The following RANBP2 variants were observed in gnomAD, a reference collection of about 807,000 sequenced individuals.
The protein encoded by RANBP2 is E3 SUMO-protein ligase RanBP2.
RANBP2 carries 57 observed loss-of-function variants against 303.6 expected under a neutral mutation model. That is an observed-to-expected ratio of 0.19 (90% confidence interval 0.15 to 0.23). The LOEUF is 0.23. Ranked by LOEUF, RANBP2 falls within the 10% of genes least tolerant of loss-of-function variation. The probability of loss-of-function intolerance (pLI) is 1.00; values close to 1 mark genes in which losing one functional copy is unlikely to be tolerated. For synonymous variants in RANBP2, 1,167 were observed against 1,301.5 expected (o/e 0.90, Z 2.23); for missense variants, 3,138 against 3,780.8 (o/e 0.83, Z 4.46).
At chr2:108,820,931 C>A in the RANBP2 span, among the ~76,000 whole-genome samples, 1 of 151,852 alleles carries the variant, frequency 6.6e-6, no homozygotes, top group Non-Finnish European at 1.5e-5. Context: ...AATAAATGGA[C>A]AAATATAGTA....
the RANBP2 span, among the ~76,000 whole-genome samples, chr2:109,001,734 T>C: frequency 1.3e-5 from 2 of 152,130 alleles, no homozygotes; most frequent in Non-Finnish European, 1.5e-5. Context: ...TTTTGTTTGT[T>C]TGTTTGTTTG....
At chr2:109,358,377 TG>T in the RANBP2 span, among the ~76,000 whole-genome samples, 1 of 152,250 alleles carries the variant, frequency 6.6e-6, no homozygotes, top group African/African-American at 2.4e-5. Flanking sequence ...CAGGTTTTTG[TG>T]TGGACATAAG....
the RANBP2 span, among the ~76,000 whole-genome samples, chr2:109,513,100 C>T: frequency 1.3e-5 from 2 of 152,172 alleles, no homozygotes; most frequent in African/African-American, 4.8e-5. Flanking sequence ...TCTGAGGCAC[C>T]CCATGCCATG....
the RANBP2 span, among the ~76,000 whole-genome samples, chr2:109,507,979 G>C: frequency 6.6e-6 from 1 of 152,160 alleles, no homozygotes; most frequent in Admixed American, 6.5e-5. Context: ...AGAAACGCTG[G>C]TGTAGATGAG....
the RANBP2 span, among the ~76,000 whole-genome samples, chr2:109,659,158 C>T: frequency 1.3e-5 from 2 of 152,070 alleles, no homozygotes; most frequent in African/African-American, 4.8e-5. Context: ...GGTTGAATTA[C>T]GTGAGGTCAG....
chr2:109,536,060 G>A, the RANBP2 span, among the ~76,000 whole-genome samples: 1 of 127,824 alleles, frequency 7.8e-6, no homozygotes, highest in South Asian at 3.0e-4. Flanking sequence ...GGTGGGGGGG[G>A]GGTCTCTCAT....
chr2:109,225,408 C>T, the RANBP2 span, among the ~76,000 whole-genome samples: 1 of 152,158 alleles, frequency 6.6e-6, no homozygotes, highest in Non-Finnish European at 1.5e-5. Context: ...GAAATCTGCA[C>T]GTTAACAGGT....
the RANBP2 span, among the ~76,000 whole-genome samples, chr2:108,912,476 A>G: frequency 4.6e-5 from 7 of 152,180 alleles, no homozygotes; most frequent in African/African-American, 1.4e-4. Context: ...GTCCCAGGAC[A>G]CCCATAGAGG....
At chr2:108,821,553 A>T in the RANBP2 span, among the ~76,000 whole-genome samples, 3 of 152,366 alleles carry the variant, frequency 2.0e-5, no homozygotes, top group African/African-American at 7.2e-5. Flanking sequence ...AGTGTGTAAC[A>T]CACACAAAAA....
At chr2:108,768,423 T>G (rs772897269) in intron 20 of RANBP2, 35 bp downstream of exon 20, 40 of 1,608,432 alleles carry the variant, frequency 2.5e-5, no homozygotes, top group Admixed American at 5.0e-5. Flanking sequence ...AGCACAATTT[T>G]TCTTTCTTTT....
At chr2:109,257,394 G>A in the RANBP2 span, among the ~76,000 whole-genome samples, 1 of 151,794 alleles carries the variant, frequency 6.6e-6, no homozygotes, top group African/African-American at 2.4e-5. Context: ...GGAAGGGAAG[G>A]AGGGAGAGGA....
At chr2:109,454,207 C>T in the RANBP2 span, among the ~76,000 whole-genome samples, 1 of 152,170 alleles carries the variant, frequency 6.6e-6, no homozygotes, top group Non-Finnish European at 1.5e-5. Flanking sequence ...ACAACAATTA[C>T]AATCCTCATT....
chr2:109,449,149 T>C, the RANBP2 span: 3 of 1,609,172 alleles, frequency 1.9e-6, no homozygotes, highest in South Asian at 1.1e-5. Flanking sequence ...CAACCTGCTG[T>C]CTCTCCAACC....
chr2:108,953,239 G>A, the RANBP2 span, among the ~76,000 whole-genome samples: 1 of 152,170 alleles, frequency 6.6e-6, no homozygotes, highest in African/African-American at 2.4e-5. Flanking sequence ...ATCCCTGTGA[G>A]GCATCTGAGC....
the RANBP2 span, among the ~76,000 whole-genome samples, chr2:109,086,166 C>T: frequency 6.6e-6 from 1 of 152,134 alleles, no homozygotes. Context: ...TTTTGCTTAT[C>T]CAGTCATCCA....
the RANBP2 span, among the ~76,000 whole-genome samples, chr2:109,422,868 C>T: frequency 6.6e-6 from 1 of 152,112 alleles, no homozygotes; most frequent in Non-Finnish European, 1.5e-5. Context: ...ATAGGGCTAC[C>T]CTGCAGGAGC....
At chr2:109,656,574 A>G in the RANBP2 span, among the ~76,000 whole-genome samples, 3 of 152,158 alleles carry the variant, frequency 2.0e-5, no homozygotes, top group Non-Finnish European at 4.4e-5. Context: ...TTCCAACCTC[A>G]GGTGATCCAC....
the RANBP2 span, among the ~76,000 whole-genome samples, chr2:109,223,002 G>A: frequency 6.6e-6 from 1 of 152,232 alleles, no homozygotes; most frequent in African/African-American, 2.4e-5. Flanking sequence ...GCACCCTTCA[G>A]GGTGAAGAGG....
chr2:109,075,623 TA>T, the RANBP2 span, among the ~76,000 whole-genome samples: 770 of 94,718 alleles, frequency 8.1e-3, 16 homozygotes, highest in African/African-American at 0.029. Flanking sequence ...ATAAATGAAA[TA>T]AAAAATGAGA....
Sources: gnomAD v4.1 joint callset for allele counts (sites outside exome capture counted in the v4.1 genomes callset) on GRCh38, gnomAD v4.1.1 for gene constraint, MANE v1.5 for transcripts, NCBI Gene and HGNC (gene_info 2026-07-23, HGNC 2026-07-21) for gene names.